DDX60: variants seen among roughly 807,000 people sequenced by gnomAD.
DDX60 encodes probable ATP-dependent RNA helicase DDX60.
A neutral mutation model predicts 212.8 loss-of-function variants in DDX60; 165 were observed. The observed-to-expected ratio is 0.78, with a 90% confidence interval of 0.68 to 0.88. The LOEUF (loss-of-function observed/expected upper bound fraction) is 0.88. DDX60 is among the 40% of genes least tolerant of loss of function. The pLI, the probability that DDX60 is intolerant of heterozygous loss-of-function variation, is 0.00. For synonymous variants in DDX60, 703 were observed against 685.3 expected (o/e 1.03, Z -0.40); for missense variants, 1,905 against 2,003.9 (o/e 0.95, Z 0.94).
At chr4:168,263,823 T>C (rs935542678) in intron 22 of DDX60, among the ~76,000 whole-genome samples, 1 of 152,174 alleles carries the variant, frequency 6.6e-6, no homozygotes, top group Non-Finnish European at 1.5e-5. Context: ...ATTTGTGATA[T>C]TTTTGTTACA....
intron 10 of DDX60, among the ~76,000 whole-genome samples, chr4:168,286,422 C>T (rs945535874): frequency 8.6e-5 from 5 of 57,882 alleles, no homozygotes; most frequent in African/African-American, 2.3e-4. Flanking sequence ...ACACACCACA[C>T]GAGATAGATA....
chr4:168,270,493 G>A (rs1312113092), intron 19 of DDX60, among the ~76,000 whole-genome samples: 1 of 152,114 alleles, frequency 6.6e-6, no homozygotes, highest in Non-Finnish European at 1.5e-5. Context: ...AAACCTTTTG[G>A]TTTTATCCCT....
chr4:168,287,276 G>T, intron 9 of DDX60, 73 bp from the exon 10 acceptor site: 3 of 1,347,134 alleles, frequency 2.2e-6, no homozygotes, highest in Non-Finnish European at 2.1e-6. Context: ...GTCACATTTT[G>T]AGTAAATTCA....
chr4:168,291,648 G>A (rs933293297), intron 8 of DDX60, 100 bp downstream of exon 8: 3 of 1,116,006 alleles, frequency 2.7e-6, no homozygotes, highest in Non-Finnish European at 3.7e-6. Context: ...GCCCCCAAGG[G>A]GCTAATAGTA....
At chr4:168,289,667 CA>C (rs1560862524) in intron 8 of DDX60, among the ~76,000 whole-genome samples, 2 of 152,042 alleles carry the variant, frequency 1.3e-5, no homozygotes, top group African/African-American at 4.8e-5. Context: ...TCAGTATTTC[CA>C]AAAAAGAAAC....
intron 25 of DDX60, among the ~76,000 whole-genome samples, chr4:168,259,511 C>G (rs1734540702): frequency 1.3e-5 from 2 of 152,044 alleles, no homozygotes; most frequent in South Asian, 4.1e-4. Context: ...AGAAATATAT[C>G]ATCAATGATT....
At chr4:168,315,734 T>C (rs1737339278) in intron 1 of DDX60, among the ~76,000 whole-genome samples, 1 of 152,242 alleles carries the variant, frequency 6.6e-6, no homozygotes, top group Non-Finnish European at 1.5e-5. Context: ...GCTTTATTCA[T>C]GTCCCTGCAA....
intron 13 of DDX60, among the ~76,000 whole-genome samples, chr4:168,283,098 T>C (rs11736397): frequency 0.37 from 56,266 of 151,912 alleles, 10,823 homozygotes; most frequent in African/African-American, 0.47. Context: ...TAGATAAACA[T>C]TTCATATCCA....
intron 4 of DDX60, 96 bp from the exon 5 acceptor site, chr4:168,306,816 C>T: frequency 2.2e-6 from 2 of 929,294 alleles, no homozygotes; most frequent in Non-Finnish European, 3.3e-6. Flanking sequence ...GGAATAAAAT[C>T]CAACAGTTTT....
At chr4:168,269,092 C>G (rs1307878404) in intron 19 of DDX60, 123 bp from the exon 20 acceptor site, 4 of 510,540 alleles carry the variant, frequency 7.8e-6, no homozygotes, top group Non-Finnish European at 1.4e-5. Context: ...GTGACCATGC[C>G]AAGTTTAAAG....
At chr4:168,241,435 T>C (rs982538361) in intron 30 of DDX60, among the ~76,000 whole-genome samples, 3 of 152,182 alleles carry the variant, frequency 2.0e-5, no homozygotes, top group Admixed American at 2.0e-4. Flanking sequence ...TTGAATGGCT[T>C]TGACCAAAAT....
At chr4:168,248,135 G>A (rs1042204604) in intron 29 of DDX60, 53 bp downstream of exon 29, 42 of 1,208,924 alleles carry the variant, frequency 3.5e-5, no homozygotes, top group Non-Finnish European at 4.7e-5. Context: ...GTTTTACTAC[G>A]CTATGGCCAT....
chr4:168,225,440 G>T, intron 34 of DDX60, 89 bp downstream of exon 34: 1 of 1,329,018 alleles, frequency 7.5e-7, no homozygotes, highest in Non-Finnish European at 1.0e-6. Context: ...AAACTTTCTG[G>T]GGTTCCACTC....
At chr4:168,288,892 C>A (rs1735974020) in intron 8 of DDX60, among the ~76,000 whole-genome samples, 1 of 152,110 alleles carries the variant, frequency 6.6e-6, no homozygotes, top group Non-Finnish European at 1.5e-5. Context: ...TCAAAAATTT[C>A]TTTTATTTTG....
At chr4:168,252,425 A>G in intron 27 of DDX60, 84 bp downstream of exon 27, 1 of 1,488,588 alleles carries the variant, frequency 6.7e-7, no homozygotes, top group East Asian at 2.3e-5. Flanking sequence ...TTATGCATAT[A>G]TCTTATTAAG....
intron 30 of DDX60, among the ~76,000 whole-genome samples, chr4:168,240,194 C>T (rs1036265672): frequency 1.3e-5 from 2 of 151,962 alleles, no homozygotes; most frequent in Non-Finnish European, 2.9e-5. Context: ...AGCGGAGAGC[C>T]AAATCACAAA....
At chr4:168,291,659 G>T in intron 8 of DDX60, 89 bp downstream of exon 8, 1 of 1,256,812 alleles carries the variant, frequency 8.0e-7, no homozygotes, top group Non-Finnish European at 1.1e-6. Flanking sequence ...GCTAATAGTA[G>T]TCCCACATAA....
chr4:168,281,219 C>A (rs557744196), intron 13 of DDX60, among the ~76,000 whole-genome samples: 3 of 152,156 alleles, frequency 2.0e-5, no homozygotes, highest in Non-Finnish European at 2.9e-5. Context: ...TTTCTCCATG[C>A]TATGATATCT....
intron 12 of DDX60, among the ~76,000 whole-genome samples, chr4:168,283,819 T>C (rs1301775560): frequency 6.9e-6 from 1 of 145,124 alleles, no homozygotes; most frequent in Non-Finnish European, 1.5e-5. Flanking sequence ...ATGGTCTACC[T>C]CCTAAATTAG....
Sources: gnomAD v4.1 joint callset for allele counts (sites outside exome capture counted in the v4.1 genomes callset) on GRCh38, gnomAD v4.1.1 for gene constraint, MANE v1.5 for transcripts, NCBI Gene and HGNC (gene_info 2026-07-23, HGNC 2026-07-21) for gene names.